Variants in SLIT2 observed in about 807,000 individuals in gnomAD.
SLIT2 encodes the protein slit homolog 2 protein.
Under a neutral mutation model 185.7 loss-of-function variants are expected in SLIT2, and 41 were observed. The observed-to-expected ratio is 0.22, with a 90% CI of 0.17 to 0.29. The LOEUF (loss-of-function observed/expected upper bound fraction) is 0.29, where lower values mean the gene tolerates loss of function less well. Ranked by LOEUF, SLIT2 falls within the 10% of genes least tolerant of loss-of-function variation. The probability of loss-of-function intolerance (pLI) is 1.00; values close to 1 mark genes in which losing one functional copy is unlikely to be tolerated. For synonymous variants in SLIT2, 693 were observed against 680.2 expected, an observed-to-expected ratio of 1.02 and a Z score of -0.29; for missense variants, 1,571 against 1,909.0, an observed-to-expected ratio of 0.82 and a Z score of 3.30.
chr4:20,534,041 C>G (rs1037155866), intron 18 of SLIT2, among the ~76,000 whole-genome samples: 2 of 152,148 alleles, frequency 1.3e-5, no homozygotes, highest in African/African-American at 4.8e-5. Flanking sequence ...TCCCCCATGG[C>G]TTCTGTCTCT....
At chr4:20,602,991 A>G (rs1728520542) in intron 33 of SLIT2, among the ~76,000 whole-genome samples, 1 of 152,212 alleles carries the variant, frequency 6.6e-6, no homozygotes, top group South Asian at 2.1e-4. Flanking sequence ...CCTAATATTT[A>G]CAGCACTTAG....
Position 20,596,491 on chromosome 4 carries a change from G to C in SLIT2, c.3397G>C (p.Gly1133Arg). Residue 1133 changes from glycine to arginine, a missense_variant, in exon 32 of 37, where the codon GGA becomes CGA. By Grantham distance (125) the Gly-to-Arg change is moderately radical. Coordinates refer to ENST00000504154, the MANE Select transcript of SLIT2 (RefSeq NM_004787.4). Reference protein sequence around the residue: ...SPCDNFDCQNGAQCIVRINEP... With the variant: ...SPCDNFDCQNRAQCIVRINEP... ...CTGTGATAATTTTGATTGTCAGAAT[G>C]GAGCTCAGTGTATCGTCAGAATAAA... 1 of 1,614,026 alleles carries C rather than the reference G, an allele frequency of 6.2e-7. No homozygotes were observed. Among genetic ancestry groups the C allele is most frequent in the Non-Finnish European group, 8.5e-7 (1 of 1,179,936 alleles).
chr4:20,253,582 C>CTA lies in SLIT2; in HGVS notation c.-233_-232dup. On this transcript the variant is annotated 5_prime_UTR_variant, in exon 1 of 37. Transcript: ENST00000504154. ...GGCCAGGCGGATTCATCCTCAGGAC[C>CTA]TAAAGTTGCCCAAGGAGCTCCTGCT... 1.7e-6 allele frequency: 1 copy of CTA among 583,676 alleles called. No homozygotes were observed. Among genetic ancestry groups the CTA allele is most frequent in the Admixed American group, 3.0e-5 (1 of 32,904 alleles). The allele number at this position is 583,676 out of a possible 1,614,324, so 36.2% of individuals were successfully genotyped here. A position where few individuals can be genotyped will look rare whatever the true frequency, so the allele number is the denominator to read the frequency against.
At chr4:20,498,168 G>C (rs1399040964) in intron 9 of SLIT2, among the ~76,000 whole-genome samples, 1 of 152,006 alleles carries the variant, frequency 6.6e-6, no homozygotes. Flanking sequence ...GCGAGGCTCC[G>C]TCTCAAAAAT....
At chr4:20,529,259 G>A (rs80213080) in intron 16 of SLIT2, among the ~76,000 whole-genome samples, 160 bp downstream of exon 16, 1 of 152,116 alleles carries the variant, frequency 6.6e-6, no homozygotes, top group Non-Finnish European at 1.5e-5. Flanking sequence ...GAATATATTA[G>A]AGGCTACCTT....
intron 4 of SLIT2, among the ~76,000 whole-genome samples, chr4:20,437,505 C>T (rs1729432134): frequency 6.6e-6 from 1 of 152,012 alleles, no homozygotes; most frequent in African/African-American, 2.4e-5. Flanking sequence ...GTCCCAGCAC[C>T]CAGAGAAGCT....
At chr4:20,524,747 A>G (rs1485330823) in intron 14 of SLIT2, among the ~76,000 whole-genome samples, 18 of 152,200 alleles carry the variant, frequency 1.2e-4, no homozygotes, top group Admixed American at 1.2e-3. Context: ...GGAATATTGC[A>G]TTTATTTGTA....
intron 4 of SLIT2, among the ~76,000 whole-genome samples, chr4:20,313,650 G>C (rs1053871417): frequency 7.9e-5 from 12 of 152,146 alleles, no homozygotes; most frequent in Non-Finnish European, 1.8e-4. Flanking sequence ...ACCAGGGACT[G>C]GTTTTTGGAA....
chr4:20,459,136 A>G (rs1315190395), intron 4 of SLIT2, among the ~76,000 whole-genome samples: 4 of 152,170 alleles, frequency 2.6e-5, no homozygotes, highest in African/African-American at 9.7e-5. Context: ...GTGGGAGAAA[A>G]AAAAAAACAG....
chr4:20,508,388 AG>A (rs1349569758), intron 9 of SLIT2, among the ~76,000 whole-genome samples: 1 of 152,078 alleles, frequency 6.6e-6, no homozygotes, highest in Non-Finnish European at 1.5e-5. Context: ...CTAGTATAAA[AG>A]TATCACTAAT....
At chr4:20,510,426 C>G in intron 9 of SLIT2, 69 bp from the exon 10 acceptor site, 1 of 987,964 alleles carries the variant, frequency 1.0e-6, no homozygotes, top group Admixed American at 1.8e-5. Flanking sequence ...GACATGAATC[C>G]TGAGCTTGAA....
At chr4:20,352,332 A>AT (rs997854892) in intron 4 of SLIT2, among the ~76,000 whole-genome samples, 2 of 151,618 alleles carry the variant, frequency 1.3e-5, no homozygotes, top group Non-Finnish European at 1.5e-5. Flanking sequence ...TAGTTTGTGC[A>AT]TTTTTTCTTC....
intron 30 of SLIT2, among the ~76,000 whole-genome samples, chr4:20,594,393 A>G (rs1255735333): frequency 4.0e-5 from 6 of 151,610 alleles, no homozygotes; most frequent in African/African-American, 1.5e-4. Flanking sequence ...ATGTATGTGT[A>G]TGTGTGTGTA....
intron 29 of SLIT2, among the ~76,000 whole-genome samples, chr4:20,581,055 G>T (rs1190819421): frequency 6.6e-6 from 1 of 152,154 alleles, no homozygotes; most frequent in East Asian, 1.9e-4. Flanking sequence ...GTATTGTTTT[G>T]CTAGGGCTGC....
chr4:20,545,458 CATAT>C lies in SLIT2; in HGVS notation c.2277-556_2277-553del, dbSNP rs3836701. The stretch of plus-strand genomic sequence containing the variant: ...TATGGTTATTTGATTATTGCTGTTA[CATAT>C]ATATATATATATATATTTATACACT... On this transcript the variant is annotated intron_variant, in intron 21 of 36. Coordinates refer to ENST00000504154, the MANE Select transcript of SLIT2 (RefSeq NM_004787.4). Among the ~76,000 whole-genome samples, 549 of 147,872 alleles carry C rather than the reference CATAT, an allele frequency of 3.7e-3. 13 individuals carry two copies. The South Asian group carries it at 0.063, about 17-fold the overall frequency.
intron 18 of SLIT2, among the ~76,000 whole-genome samples, chr4:20,538,134 G>A (rs1722465396): frequency 6.6e-6 from 1 of 151,990 alleles, no homozygotes; most frequent in African/African-American, 2.4e-5. Flanking sequence ...TAATTTTTTT[G>A]TATTTTTAGT....
intron 11 of SLIT2, among the ~76,000 whole-genome samples, chr4:20,517,548 G>C (rs1430045067): frequency 6.6e-6 from 1 of 151,694 alleles, no homozygotes; most frequent in African/African-American, 2.4e-5. Flanking sequence ...TTTGTTCTTT[G>C]ATTTTTAAAA....
rs7661055 is a variant in SLIT2 at position 20,254,340 on chromosome 4, G to C, written c.179+346G>C. On this transcript the variant is annotated intron_variant, in intron 1 of 36. Transcript: ENST00000504154. This position sits in a 1 kb window ranked among gnomAD's most constrained non-coding sequence, Gnocchi z 5.1. ...GTGAGACGCCACTTTGTTCTCCAGA[G>C]TCCATAAACGGAGTCACCTTGCGAT... 0.044 allele frequency among the ~76,000 whole-genome samples: 6,628 copies of C among 152,286 alleles called. 351 individuals are homozygous for C. The highest frequency in any genetic ancestry group is 0.12 in the African/African-American group (4,787 of 41,548).
At chr4:20,592,036 A>C (rs1347101864) in intron 30 of SLIT2, among the ~76,000 whole-genome samples, 9 of 152,178 alleles carry the variant, frequency 5.9e-5, no homozygotes, top group Non-Finnish European at 1.2e-4. Flanking sequence ...AGTTTAGCAG[A>C]AAACGGTTAG....
Sources: allele counts gnomAD v4.1 joint callset (sites outside exome capture counted in the v4.1 genomes callset), GRCh38; gene constraint gnomAD v4.1.1; non-coding constraint Gnocchi (gnomAD v3.1); transcripts MANE v1.5; gene names NCBI Gene and HGNC (gene_info 2026-07-23, HGNC 2026-07-21).